ANK1: variants seen among roughly 807,000 people sequenced by gnomAD.
The protein encoded by ANK1 is ankyrin-1.
Under a neutral mutation model 210.4 loss-of-function variants are expected in ANK1, and 51 were observed. That is an observed-to-expected ratio of 0.24 (90% CI 0.19 to 0.31). The LOEUF is 0.31. ANK1 is among the 10% of genes least tolerant of loss of function. ANK1 has a pLI of 1.00. For missense variants in ANK1, 2,051 were observed against 2,504.4 expected, an observed-to-expected ratio of 0.82 and a Z score of 3.86; for synonymous variants, 967 against 1,025.9, an observed-to-expected ratio of 0.94 and a Z score of 1.10.
At chr8:41,896,217 G>C (rs1820498377) in intron 1 of ANK1, 2 of 1,260,010 alleles carry the variant, frequency 1.6e-6, no homozygotes, top group African/African-American at 1.6e-5. Flanking sequence ...CGCCCACCGA[G>C]CCTTCCCCGC....
At chr8:41,672,240 T>C in intron 38 of ANK1, 114 bp downstream of exon 38, 1 of 1,175,030 alleles carries the variant, frequency 8.5e-7, no homozygotes. Flanking sequence ...TCCTGTGCAA[T>C]TAGAACCCAG....
intron 2 of ANK1, among the ~76,000 whole-genome samples, chr8:41,747,343 C>T (rs879579133): frequency 1.7e-4 from 26 of 152,016 alleles, no homozygotes; most frequent in East Asian, 7.8e-4. Flanking sequence ...AGGCCCAGAC[C>T]GAGTGTCATT....
At chr8:41,703,422 G>GTGTGTATATATATATATA (rs1286560913) in intron 20 of ANK1, among the ~76,000 whole-genome samples, 21 of 53,744 alleles carry the variant, frequency 3.9e-4, no homozygotes, top group Non-Finnish European at 6.3e-4. Context: ...GTGTGTGTGT[G>GTGTGTATATATATATATA]TATATATATA....
chr8:41,868,442 G>A (rs1361095693), intron 1 of ANK1, among the ~76,000 whole-genome samples: 2 of 152,238 alleles, frequency 1.3e-5, no homozygotes, highest in South Asian at 2.1e-4. Flanking sequence ...CCAAGATGAT[G>A]AGCAATTATT....
chr8:41,825,757 G>A (rs1275703991), intron 1 of ANK1, among the ~76,000 whole-genome samples: 1 of 152,160 alleles, frequency 6.6e-6, no homozygotes, highest in East Asian at 1.9e-4. Context: ...AATCATGGGG[G>A]TGGTTCTTTC....
chr8:41,715,951 A>T (rs540272746), intron 13 of ANK1, 102 bp from the exon 14 acceptor site: 108 of 1,391,346 alleles, frequency 7.8e-5, no homozygotes, highest in Admixed American at 2.1e-4. Flanking sequence ...AGGGCAAGTG[A>T]CCTTCTCAAG....
chr8:41,688,699 T>C (rs1818383307), intron 33 of ANK1, 110 bp from the exon 34 acceptor site: 2 of 915,610 alleles, frequency 2.2e-6, no homozygotes, highest in Non-Finnish European at 3.5e-6. Flanking sequence ...CCAGTCCTGG[T>C]AAACAATCAG....
intron 1 of ANK1, among the ~76,000 whole-genome samples, chr8:41,895,499 A>C (rs1232602635): frequency 6.6e-6 from 1 of 151,954 alleles, no homozygotes; most frequent in Non-Finnish European, 1.5e-5. Flanking sequence ...AGACCCCAAA[A>C]GGGCTAAAAA....
Position 41,699,500 on chromosome 8 carries a change from A to G in ANK1, c.2510T>C (p.Val837Ala), listed in dbSNP as rs772591938. 6.8e-6 allele frequency: 11 copies of G among 1,614,012 alleles called. No individual in the cohort carries two copies. Among genetic ancestry groups the G allele is most frequent in the East Asian group, 2.2e-5 (1 of 44,886 alleles). Residue 837 changes from valine to alanine, a missense_variant, in exon 23 of 43, where the codon GTT becomes GCT. Val to Ala is a moderately conservative substitution (Grantham distance 64). Coordinates refer to ENST00000289734, the MANE Select transcript of ANK1 (RefSeq NM_000037.4). ...ATCCAGCAGCTCCTTCTCTTCATCA[A>G]CATCCCTGGAATCCCGCCTCTCAGC... ...FKAERRDSRD[V>A]DEEKELLDFV...
At chr8:41,722,741 C>A (rs567130081) in intron 9 of ANK1, among the ~76,000 whole-genome samples, 1 of 152,354 alleles carries the variant, frequency 6.6e-6, no homozygotes, top group South Asian at 2.1e-4. Flanking sequence ...GCGAACTACA[C>A]AACCTGTGAG....
At chr8:41,668,760 G>T (rs1218136675) in intron 38 of ANK1, among the ~76,000 whole-genome samples, 196 bp from the exon 39 acceptor site, 1 of 152,162 alleles carries the variant, frequency 6.6e-6, no homozygotes. Context: ...GGTTCAGAGG[G>T]GTACACGTGG....
Position 41,763,892 on chromosome 8 carries a change from T to A in ANK1, c.28-5755A>T, listed in dbSNP as rs1340954505. 3.7e-4 allele frequency among the ~76,000 whole-genome samples: 41 copies of A among 111,438 alleles called. No individual in the cohort carries two copies. The South Asian group carries it at 4.5e-3, about 12-fold the overall frequency. The allele number at this position is 111,438 out of a possible 152,430, so 73.1% of individuals were successfully genotyped here. A position where few individuals can be genotyped will look rare whatever the true frequency, so the allele number is the denominator to read the frequency against. The stretch of plus-strand genomic sequence containing the variant: ...TTCTTTCTTTTTTTCTTTTTTTCTT[T>A]TTTTTTTTTTTTTTTTTTTTTTGGG... On this transcript the variant is annotated intron_variant, in intron 1 of 42. Transcript: ENST00000289734.
chr8:41,823,806 C>G (rs1284551490), intron 1 of ANK1, among the ~76,000 whole-genome samples: 1 of 152,146 alleles, frequency 6.6e-6, no homozygotes. Flanking sequence ...ACTGCCCACA[C>G]AGTGAAGTCC....
At position 41,684,583 on chromosome 8, in the gene ANK1, T is replaced by A; in HGVS notation, c.4498A>T (p.Thr1500Ser). The change falls in exon 37 of 43, where the codon ACC (threonine) becomes TCC (serine). Residue 1500 changes from threonine (T) to serine (S), a missense_variant. Thr to Ser is a moderately conservative substitution (Grantham distance 58). Coordinates refer to ENST00000289734, the MANE Select transcript of ANK1 (RefSeq NM_000037.4). ...GGTGACAGCGAGTAGTCGCGGTCGG[T>A]GTGCCGCCTGTCTGGCTTCAAGTTG... Reference protein sequence around the residue: ...SRNLKPDRRHTDRDYSLSPSQ... With the variant: ...SRNLKPDRRHSDRDYSLSPSQ... 1 of 1,613,842 alleles carries A rather than the reference T, an allele frequency of 6.2e-7. No homozygotes were observed. Among genetic ancestry groups the A allele is most frequent in the Non-Finnish European group, 8.5e-7 (1 of 1,180,038 alleles).
rs375963534 is a variant in ANK1 at position 41,815,325 on chromosome 8, CTA to C, written c.127-57190_127-57189del. 4.4e-4 allele frequency among the ~76,000 whole-genome samples: 67 copies of C among 152,150 alleles called. 1 individual carries two copies. The East Asian group carries it at 0.01, about 23-fold the overall frequency. On this transcript the variant is annotated intron_variant, in intron 1 of 42. Coordinates refer to the ANK1 transcript ENST00000265709. ...CTCAAAAGGTGGAAAAAAAATTTCACTATCTCTTATTAAGACTACAAAACACC... is the reference window on the plus strand; with the variant it reads ...CTCAAAAGGTGGAAAAAAAATTTCACTCTCTTATTAAGACTACAAAACACC...
Position 41,704,058 on chromosome 8 carries a change from G to A in ANK1, c.2278C>T (p.Pro760Ser), listed in dbSNP as rs777901067. Reference sequence around the variant, plus strand: ...GTACTCACCGAGCTGACCTCGTTTGGGGAAGCACCGTTTTTCAGAAGCAGA... The same window carrying A: ...GTACTCACCGAGCTGACCTCGTTTGAGGAAGCACCGTTTTTCAGAAGCAGA... Reference protein sequence around the residue: ...VTLLLKNGASPNEVSSDGTTP... With the variant: ...VTLLLKNGASSNEVSSDGTTP... The change falls in exon 20 of 43, where the codon CCA becomes TCA. Residue 760 changes from proline (P) to serine (S), a missense_variant. By Grantham distance (74) the Pro-to-Ser change is moderately conservative (BLOSUM62 -1). Transcript: ENST00000289734. The surrounding 1 kb of genome is among the most constrained non-coding windows in gnomAD (Gnocchi z 4.1). 1.9e-6 allele frequency: 3 copies of A among 1,614,064 alleles called. No homozygotes were observed. In the East Asian group the frequency reaches 6.7e-5, roughly 36 times the overall value.
Position 41,694,745 on chromosome 8 carries a change from G to C in ANK1, c.3174C>G (p.Asp1058Glu). 6.2e-7 allele frequency: 1 copy of C among 1,614,188 alleles called. No homozygotes were observed. The highest frequency in any genetic ancestry group is 8.5e-7 in the Non-Finnish European group (1 of 1,180,038). The change falls in exon 28 of 43, where the codon GAC (aspartate) becomes GAG (glutamate). Residue 1058 changes from aspartate to glutamate, a missense_variant. Physicochemically the swap from Asp to Glu is conservative, Grantham distance 45 (BLOSUM62 2). Around this residue, in one of 6 missense-constraint regions of ANK1, gnomAD observed 1,413 missense variants for 1,707.4 expected, o/e 0.83. Transcript: ENST00000289734. This position sits in a 1 kb window ranked among gnomAD's most constrained non-coding sequence, Gnocchi z 5.7. ...ACATGATCACGAAGTACAGCGGGAA[G>C]TCGGTGGTGATGATTCGGCACACCC... ...KKRVCRIITT[D>E]FPLYFVIMSR...
chr8:41,694,849 G>A lies in ANK1; in HGVS notation c.3116-46C>T, dbSNP rs1360346732. On this transcript the variant is annotated intron_variant, in intron 27 of 42. Transcript: ENST00000289734. This position sits in a 1 kb window ranked among gnomAD's most constrained non-coding sequence, Gnocchi z 5.7. ...CACCACCCCGGTCACATCAGGCACAGGTTCAGGACTTCCAGGGGCCCCAGA... is the reference window on the plus strand; with the variant it reads ...CACCACCCCGGTCACATCAGGCACAAGTTCAGGACTTCCAGGGGCCCCAGA... 18 of 1,594,940 alleles carry A rather than the reference G, an allele frequency of 1.1e-5. No individual in the cohort carries two copies. The highest frequency in any genetic ancestry group is 1.7e-5 in the Admixed American group (1 of 59,346).
chr8:41,759,243 C>T (rs574889296), intron 1 of ANK1, among the ~76,000 whole-genome samples: 2 of 152,302 alleles, frequency 1.3e-5, no homozygotes, highest in East Asian at 3.9e-4. Flanking sequence ...CGTGGTGGCT[C>T]AAACCTGTAA....
Sources: allele counts gnomAD v4.1 joint callset (sites outside exome capture counted in the v4.1 genomes callset), GRCh38; gene constraint gnomAD v4.1.1; regional missense constraint gnomAD v4.1.1; non-coding constraint Gnocchi (gnomAD v3.1); transcripts MANE v1.5; gene names NCBI Gene and HGNC (gene_info 2026-07-23, HGNC 2026-07-21).